Variants in STAB2 observed in about 807,000 individuals in gnomAD.
STAB2 encodes the protein stabilin 2, also known as stabilin-2.
Under a neutral mutation model 338.1 loss-of-function variants are expected in STAB2, and 288 were observed. That is an observed-to-expected ratio of 0.85 (90% CI 0.77 to 0.94). STAB2 has a LOEUF of 0.94. Among genes scored for constraint, STAB2 ranks in the 40% least tolerant of loss-of-function variants. The pLI, the probability that STAB2 is intolerant of heterozygous loss-of-function variation, is 0.00. For synonymous variants in STAB2, 1,202 were observed against 1,193.3 expected, an observed-to-expected ratio of 1.01 and a Z score of -0.15; for missense variants, 3,141 against 3,210.1, an observed-to-expected ratio of 0.98 and a Z score of 0.52.
chr12:103,747,050 A>G (rs555049748), intron 58 of STAB2, among the ~76,000 whole-genome samples: 1 of 146,318 alleles, frequency 6.8e-6, no homozygotes, highest in Admixed American at 7.1e-5. Context: ...TCCGCTTCCC[A>G]GGTTCAAGCA....
chr12:103,669,276 G>A, intron 20 of STAB2: 1 of 414,692 alleles, frequency 2.4e-6, no homozygotes, highest in African/African-American at 2.0e-5. Flanking sequence ...CCCCAACTTA[G>A]AACGTTGGCT....
At chr12:103,615,303 G>C (rs1354322391) in intron 3 of STAB2, among the ~76,000 whole-genome samples, 1 of 152,242 alleles carries the variant, frequency 6.6e-6, no homozygotes, top group Non-Finnish European at 1.5e-5. Context: ...AGGAGAAGCA[G>C]AGGGAGACAC....
At chr12:103,715,645 C>T (rs575179074) in intron 42 of STAB2, among the ~76,000 whole-genome samples, 170 bp from the exon 43 acceptor site, 1 of 152,182 alleles carries the variant, frequency 6.6e-6, no homozygotes, top group Admixed American at 6.5e-5. Flanking sequence ...AAACCATATA[C>T]AGTACCCTCC....
intron 34 of STAB2, 133 bp from the exon 35 acceptor site, chr12:103,703,015 A>T (rs1308914984): frequency 7.6e-6 from 8 of 1,058,768 alleles, no homozygotes; most frequent in Admixed American, 3.1e-5. Context: ...TTCCAATACA[A>T]GTGACTATTA....
rs1192427996 is a variant in STAB2 at position 103,705,642 on chromosome 12, AGAG to A, written c.3915_3917del (p.Arg1306del). 1 of 1,614,074 alleles carries A rather than the reference AGAG, an allele frequency of 6.2e-7. No homozygotes were observed. Among genetic ancestry groups the A allele is most frequent in the Non-Finnish European group, 8.5e-7 (1 of 1,180,008 alleles). ...ATTAATATTTCACAGGGTAATGAGAAGAGGAGATGCATCTATACCTCCTATTTC... is the reference window on the plus strand; with the variant it reads ...ATTAATATTTCACAGGGTAATGAGAAGAGATGCATCTATACCTCCTATTTC... On this transcript the variant is annotated inframe_deletion, in exon 37 of 69. Transcript: ENST00000388887.
chr12:103,637,523 A>G (rs1302286948), intron 7 of STAB2, among the ~76,000 whole-genome samples: 1 of 152,196 alleles, frequency 6.6e-6, no homozygotes, highest in East Asian at 1.9e-4. Flanking sequence ...CACTTTATAA[A>G]AAGCTGTATT....
rs1883836987 is a variant in STAB2, at chr12:103,753,363, C to T, written c.6714+10C>T. 1.9e-6 allele frequency: 3 copies of T among 1,614,026 alleles called. No individual in the cohort carries two copies. The highest frequency in any genetic ancestry group is 2.5e-6 in the Non-Finnish European group (3 of 1,179,966). On this transcript the variant is annotated intron_variant, in intron 61 of 68. Coordinates refer to ENST00000388887, the MANE Select transcript of STAB2 (RefSeq NM_017564.10). Reference sequence around the variant, plus strand: ...CTCCTATGCCCAGAAGGTGGGTCTTCAGTTAGCAGATTCTGTGCAGACAGA... The same window carrying T: ...CTCCTATGCCCAGAAGGTGGGTCTTTAGTTAGCAGATTCTGTGCAGACAGA...
chr12:103,733,067 C>G lies in STAB2; in HGVS notation c.5345C>G (p.Pro1782Arg). Residue 1782 changes from proline (P) to arginine (R), a missense_variant, in exon 51 of 69, where the codon CCC becomes CGC. Physicochemically the swap from Pro to Arg is moderately radical, Grantham distance 103. Coordinates refer to ENST00000388887, the MANE Select transcript of STAB2 (RefSeq NM_017564.10). ...CACACCCCAGTCACTCTCTTCTGGC[C>G]CACCGACCAAGCCCTCCATGCCCTA... ...PIHTPVTLFW[P>R]TDQALHALPA... 6 of 1,614,120 alleles carry G rather than the reference C, an allele frequency of 3.7e-6. No homozygotes were observed. The highest frequency in any genetic ancestry group is 2.2e-5 in the South Asian group (2 of 91,078).
chr12:103,732,755 T>G (rs2139083711), intron 50 of STAB2, among the ~76,000 whole-genome samples: 1 of 151,378 alleles, frequency 6.6e-6, no homozygotes, highest in Admixed American at 6.6e-5. Flanking sequence ...CATTGAGCTG[T>G]GACTGTGCTA....
chr12:103,699,079 T>C lies in STAB2; in HGVS notation c.3583-17T>C, dbSNP rs757387168. On this transcript the variant is annotated splice_polypyrimidine_tract_variant and intron_variant, in intron 33 of 68. Transcript: ENST00000388887. ...GGCTGATCTCTTGACTGACTTCCAA[T>C]TCTGTGTGTGATCCAGGAGGAGGAC... The C allele has an allele frequency of 6.2e-7, 1 of 1,601,162 alleles. No homozygotes were observed. Among genetic ancestry groups the C allele is most frequent in the Non-Finnish European group, 8.5e-7 (1 of 1,170,866 alleles).
intron 49 of STAB2, among the ~76,000 whole-genome samples, 197 bp downstream of exon 49, chr12:103,730,453 A>T (rs928974889): frequency 6.6e-6 from 1 of 152,258 alleles, no homozygotes; most frequent in Admixed American, 6.5e-5. Context: ...AGTGGGTTTT[A>T]TATGTTTTTC....
At chr12:103,663,095 T>C (rs1874764428) in intron 18 of STAB2, 97 bp downstream of exon 18, 1 of 1,492,010 alleles carries the variant, frequency 6.7e-7, no homozygotes, top group Non-Finnish European at 9.0e-7. Context: ...TCAAAGAAAG[T>C]TGGACTTCCA....
intron 27 of STAB2, 80 bp downstream of exon 27, chr12:103,685,164 T>A: frequency 7.8e-7 from 1 of 1,285,482 alleles, no homozygotes; most frequent in Non-Finnish European, 1.1e-6. Flanking sequence ...TAAAGTGATC[T>A]ATTGACATAT....
chr12:103,706,254 TG>T (rs1027122548), intron 37 of STAB2, among the ~76,000 whole-genome samples: 3 of 151,834 alleles, frequency 2.0e-5, no homozygotes, highest in African/African-American at 2.4e-5. Context: ...AGCATAGGGG[TG>T]GGGGAGATTT....
chr12:103,740,765 G>T lies in STAB2; in HGVS notation c.5881+9G>T. ...CGGGCGAGACTGTCAGGGTGAGGGT[G>T]CCTCTTCCCCCCTCGCAACTCTAAA... On this transcript the variant is annotated intron_variant, in intron 55 of 68. Coordinates refer to ENST00000388887, the MANE Select transcript of STAB2 (RefSeq NM_017564.10). 1 of 1,564,436 alleles carries T rather than the reference G, an allele frequency of 6.4e-7. No individual in the cohort carries two copies. Among genetic ancestry groups the T allele is most frequent in the South Asian group, 1.2e-5 (1 of 82,888 alleles).
At chr12:103,595,783 C>G (rs559369255) in intron 3 of STAB2, among the ~76,000 whole-genome samples, 6 of 152,186 alleles carry the variant, frequency 3.9e-5, no homozygotes, top group Non-Finnish European at 8.8e-5. Context: ...AAAGCAAATT[C>G]AAGTTCAAAG....
intron 63 of STAB2, chr12:103,757,914 C>A: frequency 2.0e-6 from 1 of 505,394 alleles, no homozygotes; most frequent in Non-Finnish European, 3.6e-6. Flanking sequence ...ATGCACCTTT[C>A]AAAGGGCTGC....
intron 56 of STAB2, among the ~76,000 whole-genome samples, chr12:103,743,377 C>A (rs1310775870): frequency 6.6e-6 from 1 of 151,994 alleles, no homozygotes; most frequent in Non-Finnish European, 1.5e-5. Flanking sequence ...GGACAAAATT[C>A]CAGCTCTCAA....
chr12:103,607,730 C>G (rs9668016), intron 3 of STAB2, among the ~76,000 whole-genome samples: 48,896 of 151,990 alleles, frequency 0.32, 10,034 homozygotes, highest in African/African-American at 0.58. Context: ...CCTTTTTTAT[C>G]GCTGCATAGT....
Sources: allele counts gnomAD v4.1 joint callset (sites outside exome capture counted in the v4.1 genomes callset), GRCh38; gene constraint gnomAD v4.1.1; transcripts MANE v1.5; gene names NCBI Gene and HGNC (gene_info 2026-07-23, HGNC 2026-07-21).